Variants in AMZ2 observed in about 807,000 individuals in gnomAD.
AMZ2 encodes the protein archaelysin family metallopeptidase 2, also known as archaemetzincin-2.
A neutral mutation model predicts 36.7 loss-of-function variants in AMZ2; 26 were observed. The ratio of observed to expected loss-of-function variants is 0.71; its 90% CI spans 0.52 to 0.98. AMZ2 has a LOEUF of 0.98. AMZ2 is among the 50% of genes least tolerant of loss of function. The probability of loss-of-function intolerance (pLI) is 0.00; values close to 1 mark genes in which losing one functional copy is unlikely to be tolerated. For missense variants in AMZ2, 394 were observed against 430.5 expected (o/e 0.92, Z 0.75); for synonymous variants, 144 against 149.1 (o/e 0.97, Z 0.25).
intron 1 of AMZ2, among the ~76,000 whole-genome samples, chr17:68,238,229 A>C (rs2073830559): frequency 6.6e-6 from 1 of 152,066 alleles, no homozygotes; most frequent in Non-Finnish European, 1.5e-5. Context: ...TTTTTTAAAT[A>C]GAAATCAGAG....
rs1391485420 is a variant in AMZ2 at position 68,248,130 on chromosome 17, G to C, written c.-576G>C. 1.0e-6 allele frequency: 1 copy of C among 986,362 alleles called. No individual in the cohort carries two copies. The highest frequency in any genetic ancestry group is 1.2e-6 in the Non-Finnish European group (1 of 830,676). The allele number at this position is 986,362 out of a possible 1,614,324, so 61.1% of individuals were successfully genotyped here. ...TGTCGGGTCAGGGCGGTTCGCGGGT[G>C]CTGTCAGAGCTGGGCCGGGGCCCCT... On this transcript the variant is annotated 5_prime_UTR_variant, in exon 1 of 7. Transcript: ENST00000359904.
intron 1 of AMZ2, among the ~76,000 whole-genome samples, chr17:68,216,878 A>G (rs1337765912): frequency 6.6e-6 from 1 of 152,010 alleles, no homozygotes; most frequent in Non-Finnish European, 1.5e-5. Flanking sequence ...AAAACACACA[A>G]AAAAATTAGC....
At chr17:68,243,665 T>C (rs2073947943), upstream of AMZ2, among the ~76,000 whole-genome samples, 1 of 152,206 alleles carries the variant, frequency 6.6e-6, no homozygotes, top group Non-Finnish European at 1.5e-5. Flanking sequence ...TAATACTCCA[T>C]GTCAGGTTGT....
At chr17:68,221,209 T>TCCCCCCCCCCCCCCCCCCCCCC (rs55937321) in intron 1 of AMZ2, among the ~76,000 whole-genome samples, 7 of 66,776 alleles carry the variant, frequency 1.0e-4, no homozygotes, top group Non-Finnish European at 1.3e-4. Flanking sequence ...AGCCCTCAGC[T>TCCCCCCCCCCCCCCCCCCCCCC]CCCCCCCCCG....
intron 1 of AMZ2, among the ~76,000 whole-genome samples, chr17:68,233,457 C>G (rs574070864): frequency 6.7e-6 from 1 of 149,688 alleles, no homozygotes; most frequent in African/African-American, 2.5e-5. Flanking sequence ...TGCAGTGAGC[C>G]GATACCGCAC....
chr17:68,224,813 C>CTT (rs2073470563), intron 1 of AMZ2, among the ~76,000 whole-genome samples: 1 of 150,730 alleles, frequency 6.6e-6, no homozygotes, highest in East Asian at 1.9e-4. Context: ...TTTTGCCTGC[C>CTT]TTCTTTCCTC....
At chr17:68,229,810 G>T (rs1759608494) in intron 1 of AMZ2, among the ~76,000 whole-genome samples, 1 of 152,224 alleles carries the variant, frequency 6.6e-6, no homozygotes, top group Non-Finnish European at 1.5e-5. Flanking sequence ...CCGGGCTGGT[G>T]TAGCTCCGGA....
chr17:68,237,718 T>C (rs782331519), intron 1 of AMZ2, among the ~76,000 whole-genome samples: 3 of 152,040 alleles, frequency 2.0e-5, no homozygotes, highest in Non-Finnish European at 4.4e-5. Flanking sequence ...AAAAAAGCCT[T>C]GAGGGGTCCC....
chr17:68,211,278 G>T (rs574360407), intron 1 of AMZ2, among the ~76,000 whole-genome samples: 1 of 152,098 alleles, frequency 6.6e-6, no homozygotes, highest in East Asian at 1.9e-4. Context: ...CGATGCGGTA[G>T]GATCATGAGG....
chr17:68,242,586 AT>A (rs1173573863), intron 1 of AMZ2, among the ~76,000 whole-genome samples: 1 of 151,864 alleles, frequency 6.6e-6, no homozygotes, highest in Admixed American at 6.6e-5. Context: ...TAATTTCTGT[AT>A]TTTTTAGTAG....
In AMZ2 at chr17:68,208,991, G is replaced by A. The variant is rs114019403; in HGVS notation, c.-67+2753G>A. Among the ~76,000 whole-genome samples the A allele has an allele frequency of 6.7e-3, 1,014 of 152,282 alleles. 16 individuals carry two copies. The highest frequency in any genetic ancestry group is 0.023 in the African/African-American group (960 of 41,546). ...CGCGAGGGTCTGCGGCTTCATTCTT[G>A]AAGTTAGTGAGACCAGGAACCCACC... is the stretch of plus-strand genomic sequence containing the variant. On this transcript the variant is annotated intron_variant, in intron 1 of 7. Transcript: ENST00000674770.
chr17:68,256,999 A>T lies in AMZ2; in HGVS notation c.*30A>T. The T allele has an allele frequency of 6.2e-7, 1 of 1,604,454 alleles. No individual in the cohort carries two copies. The highest frequency in any genetic ancestry group is 8.5e-7 in the Non-Finnish European group (1 of 1,174,842). Reference sequence around the variant, plus strand: ...CTTCAAATAGGAGTGATTGAAATAAATAACTACTTGCATGTTATGCTTTCA... The same window carrying T: ...CTTCAAATAGGAGTGATTGAAATAATTAACTACTTGCATGTTATGCTTTCA... On this transcript the variant is annotated 3_prime_UTR_variant, in exon 7 of 7. Coordinates refer to ENST00000359904, the MANE Select transcript of AMZ2 (RefSeq NM_016627.5).
At chr17:68,237,868 C>T (rs1484066131) in intron 1 of AMZ2, among the ~76,000 whole-genome samples, 2 of 152,152 alleles carry the variant, frequency 1.3e-5, no homozygotes, top group Non-Finnish European at 2.9e-5. Flanking sequence ...TGGGCAGCGG[C>T]TGTTCCCTCC....
intron 1 of AMZ2, among the ~76,000 whole-genome samples, chr17:68,230,655 T>C (rs2073636831): frequency 6.6e-6 from 1 of 152,236 alleles, no homozygotes; most frequent in South Asian, 2.1e-4. Flanking sequence ...GGCTCACACC[T>C]AGGAGTTGCT....
At chr17:68,210,173 T>TTGA (rs1555725577) in intron 1 of AMZ2, among the ~76,000 whole-genome samples, 5 of 152,174 alleles carry the variant, frequency 3.3e-5, no homozygotes, top group Non-Finnish European at 5.9e-5. Context: ...ACCCGGTAAT[T>TTGA]CTATTCATAC....
intron 4 of AMZ2, among the ~76,000 whole-genome samples, chr17:68,254,046 A>T (rs1289955781): frequency 6.6e-5 from 10 of 152,002 alleles, no homozygotes; most frequent in African/African-American, 2.4e-4. Context: ...CGCCCAACCC[A>T]TGTGGTTATT....
intron 1 of AMZ2, among the ~76,000 whole-genome samples, chr17:68,223,876 C>G (rs1411794716): frequency 7.4e-6 from 1 of 135,174 alleles, no homozygotes; most frequent in African/African-American, 2.9e-5. Flanking sequence ...CCACCACACC[C>G]AGCTAATTTA....
intron 1 of AMZ2, among the ~76,000 whole-genome samples, chr17:68,209,520 C>T (rs1423896868): frequency 1.3e-5 from 2 of 149,712 alleles, no homozygotes; most frequent in Admixed American, 6.7e-5. Context: ...ATTTTGCATG[C>T]AAGCGTGTGT....
At position 68,248,044 on chromosome 17, in the gene AMZ2, G is replaced by A; in HGVS notation, c.-662G>A. 1.8e-5 allele frequency: 18 copies of A among 986,486 alleles called. No individual in the cohort carries two copies. Among genetic ancestry groups the A allele is most frequent in the Non-Finnish European group, 2.2e-5 (18 of 830,750 alleles). 61.1% of individuals were successfully genotyped at this position (986,486 alleles called of 1,614,324 possible). On this transcript the variant is annotated 5_prime_UTR_variant, in exon 1 of 7. The change creates a new upstream start codon in the 5' untranslated region. Transcript: ENST00000359904. ...GCGCCAGTGGGCGTGGCGTGGCGCAGTGCGAAGGGACGCGGTGCGCATGCG... is the reference window on the plus strand; with the variant it reads ...GCGCCAGTGGGCGTGGCGTGGCGCAATGCGAAGGGACGCGGTGCGCATGCG...
Sources: gnomAD v4.1 joint callset for allele counts (sites outside exome capture counted in the v4.1 genomes callset) on GRCh38, gnomAD v4.1.1 for gene constraint, MANE v1.5 for transcripts, NCBI Gene and HGNC (gene_info 2026-07-23, HGNC 2026-07-21) for gene names.